The following TNFAIP8L3 variants were observed in gnomAD, a reference collection of about 807,000 sequenced individuals.
TNFAIP8L3 encodes the protein tumor necrosis factor alpha-induced protein 8-like protein 3.
Under a neutral mutation model 11.8 loss-of-function variants are expected in TNFAIP8L3, and 7 were observed. That is an observed-to-expected ratio of 0.59 (90% confidence interval 0.34 to 1.11). TNFAIP8L3 has a LOEUF of 1.11. Ranked by LOEUF, TNFAIP8L3 falls within the 50% of genes most tolerant of loss-of-function variation. The pLI is 0.03. For missense variants in TNFAIP8L3, 219 were observed against 258.6 expected (o/e 0.85, Z 1.05); for synonymous variants, 98 against 103.8 (o/e 0.94, Z 0.34).
intron 1 of TNFAIP8L3, among the ~76,000 whole-genome samples, chr15:51,072,186 G>A (rs1179420622): frequency 6.6e-6 from 1 of 152,030 alleles, no homozygotes; most frequent in Non-Finnish European, 1.5e-5. Flanking sequence ...TGTTGCCCAG[G>A]CTGGAGTGCA....
chr15:51,070,225 C>T (rs895559221), intron 1 of TNFAIP8L3, among the ~76,000 whole-genome samples: 1 of 152,214 alleles, frequency 6.6e-6, no homozygotes, highest in African/African-American at 2.4e-5. Context: ...ATCTCCAAAT[C>T]AACAGGTTAA....
At chr15:51,087,339 G>A (rs11070834) in intron 1 of TNFAIP8L3, among the ~76,000 whole-genome samples, 30,859 of 151,984 alleles carry the variant, frequency 0.2, 3,593 homozygotes, top group East Asian at 0.44. Flanking sequence ...CCTACCTCCC[G>A]TATTTGACTT....
chr15:51,065,332 G>A (rs182833932), intron 1 of TNFAIP8L3, among the ~76,000 whole-genome samples: 1 of 152,300 alleles, frequency 6.6e-6, no homozygotes, highest in East Asian at 1.9e-4. Flanking sequence ...TTTAAGGGGG[G>A]AACTTCACTG....
rs1269895717 is a variant in TNFAIP8L3 at position 51,058,280 on chromosome 15, C to T, written c.216G>A (p.Lys72=). ...KVTKEHTHNK[K]EAHKIMKDLI... ...AGTCTTTCATGATCTTGTGGGCTTCCTTCTTGTTGTGTGTGTGCTCTTTGG... is the reference window on the plus strand; with the variant it reads ...AGTCTTTCATGATCTTGTGGGCTTCTTTCTTGTTGTGTGTGTGCTCTTTGG... Residue 72 remains lysine (K), a synonymous_variant, in exon 2 of 2, where the codon AAG becomes AAA. Transcript: ENST00000637513. The T allele has an allele frequency of 1.9e-6, 3 of 1,614,026 alleles. No individual in the cohort carries two copies. Among genetic ancestry groups the T allele is most frequent in the Non-Finnish European group, 1.7e-6 (2 of 1,180,034 alleles).
chr15:51,073,969 A>G (rs2065331842), intron 1 of TNFAIP8L3, among the ~76,000 whole-genome samples: 1 of 152,216 alleles, frequency 6.6e-6, no homozygotes, highest in African/African-American at 2.4e-5. Context: ...CAATTATTCA[A>G]AGACTTTTTG....
intron 1 of TNFAIP8L3, among the ~76,000 whole-genome samples, chr15:51,062,105 C>T (rs986086392): frequency 6.6e-6 from 1 of 152,030 alleles, no homozygotes; most frequent in Non-Finnish European, 1.5e-5. Flanking sequence ...AAAACCCTGT[C>T]TCTAGGAAAA....
At chr15:51,103,176 G>C (rs564424561) in intron 1 of TNFAIP8L3, among the ~76,000 whole-genome samples, 101 of 152,314 alleles carry the variant, frequency 6.6e-4, no homozygotes, top group African/African-American at 2.4e-3. Context: ...CAATCTGCCT[G>C]GTTGAAGCTA....
At chr15:51,095,850 CA>C (rs1270899026), upstream of TNFAIP8L3, among the ~76,000 whole-genome samples, 1 of 152,080 alleles carries the variant, frequency 6.6e-6, no homozygotes, top group Non-Finnish European at 1.5e-5. Flanking sequence ...CCAGAGAATG[CA>C]AATTATTGGC....
intron 1 of TNFAIP8L3, among the ~76,000 whole-genome samples, chr15:51,102,640 T>A (rs1391386217): frequency 1.3e-5 from 2 of 152,242 alleles, no homozygotes; most frequent in African/African-American, 4.8e-5. Context: ...GAAATAAATC[T>A]AGAAAGGTGA....
intron 1 of TNFAIP8L3, among the ~76,000 whole-genome samples, chr15:51,084,700 G>A (rs2065414917): frequency 6.6e-6 from 1 of 152,168 alleles, no homozygotes. Flanking sequence ...GGCCTGGAGT[G>A]GGTGTGTTGG....
intron 1 of TNFAIP8L3, among the ~76,000 whole-genome samples, chr15:51,090,897 C>G (rs541966686): frequency 6.6e-6 from 1 of 151,888 alleles, no homozygotes; most frequent in East Asian, 1.9e-4. Context: ...CTGCCCTCAG[C>G]TGGGTAGGCT....
At chr15:51,071,965 C>T (rs572471125) in intron 1 of TNFAIP8L3, among the ~76,000 whole-genome samples, 1 of 152,174 alleles carries the variant, frequency 6.6e-6, no homozygotes, top group African/African-American at 2.4e-5. Flanking sequence ...TTTTTCTCTT[C>T]TGCAAATTGC....
intron 1 of TNFAIP8L3, among the ~76,000 whole-genome samples, chr15:51,061,237 C>T (rs889592304): frequency 2.0e-5 from 3 of 152,174 alleles, no homozygotes; most frequent in Non-Finnish European, 4.4e-5. Flanking sequence ...AACTCCAGGG[C>T]TCAAGCAATC....
intron 1 of TNFAIP8L3, among the ~76,000 whole-genome samples, chr15:51,084,482 GA>G (rs2065413474): frequency 6.6e-6 from 1 of 152,208 alleles, no homozygotes; most frequent in Non-Finnish European, 1.5e-5. Flanking sequence ...TTTACTTTGT[GA>G]TTGGGATAAT....
rs113642783 is a variant in TNFAIP8L3, at chr15:51,101,578, G to A, written c.172+3427C>T. ...TGAGGTTGCAGTTAGCTGAGATCCCGCCATTGCCCTCCAGCCTGGGCAACA... is the reference window on the plus strand; with the variant it reads ...TGAGGTTGCAGTTAGCTGAGATCCCACCATTGCCCTCCAGCCTGGGCAACA... On this transcript the variant is annotated intron_variant, in intron 1 of 2. Transcript: ENST00000327536. Among the ~76,000 whole-genome samples the A allele has an allele frequency of 4.6e-5, 7 of 151,152 alleles. No homozygotes were observed. The East Asian group carries it at 5.8e-4, about 13-fold the overall frequency.
At chr15:51,080,103 C>G (rs193124656) in intron 1 of TNFAIP8L3, among the ~76,000 whole-genome samples, 1 of 152,234 alleles carries the variant, frequency 6.6e-6, no homozygotes, top group East Asian at 1.9e-4. Context: ...GAAAACTTAG[C>G]TTTCTTTCCC....
chr15:51,080,634 A>T (rs542697882), intron 1 of TNFAIP8L3, among the ~76,000 whole-genome samples: 11 of 152,370 alleles, frequency 7.2e-5, no homozygotes, highest in African/African-American at 2.6e-4. Flanking sequence ...AGACTTCGGC[A>T]AACCGCCTTA....
At chr15:51,091,717 C>CACACACAT (rs1555468557) in intron 1 of TNFAIP8L3, among the ~76,000 whole-genome samples, 2 of 148,954 alleles carry the variant, frequency 1.3e-5, no homozygotes, top group South Asian at 2.2e-4. Flanking sequence ...CACACACACA[C>CACACACAT]GTGCACACAC....
intron 1 of TNFAIP8L3, among the ~76,000 whole-genome samples, chr15:51,070,401 A>C (rs1338545611): frequency 1.3e-5 from 2 of 152,246 alleles, no homozygotes; most frequent in African/African-American, 4.8e-5. Context: ...ATATTCAGGC[A>C]TAATAATAAT....
Sources: gnomAD v4.1 joint callset for allele counts (sites outside exome capture counted in the v4.1 genomes callset) on GRCh38, gnomAD v4.1.1 for gene constraint, MANE v1.5 for transcripts, NCBI Gene and HGNC (gene_info 2026-07-23, HGNC 2026-07-21) for gene names.